The following TTLL3 variants were observed in gnomAD, a reference collection of about 807,000 sequenced individuals.
The protein encoded by TTLL3 is tubulin tyrosine ligase like 3, also known as tubulin monoglycylase TTLL3.
Under a neutral mutation model 75.2 loss-of-function variants are expected in TTLL3, and 63 were observed. The ratio of observed to expected loss-of-function variants is 0.84; its 90% confidence interval spans 0.68 to 1.03. The LOEUF (loss-of-function observed/expected upper bound fraction) is 1.03, where lower values mean the gene tolerates loss of function less well. Ranked by LOEUF, TTLL3 falls within the 50% of genes least tolerant of loss-of-function variation. The probability of loss-of-function intolerance (pLI) is 0.00; values close to 1 mark genes in which losing one functional copy is unlikely to be tolerated. For synonymous variants in TTLL3, 393 were observed against 418.5 expected (o/e 0.94, Z 0.74); for missense variants, 997 against 1,069.9 (o/e 0.93, Z 0.95).
In TTLL3 at chr3:9,835,573, C is replaced by G. The variant is rs1476548641; in HGVS notation, c.*84C>G. 19 of 1,341,678 alleles carry G rather than the reference C, an allele frequency of 1.4e-5. No homozygotes were observed. The highest frequency in any genetic ancestry group is 1.8e-5 in the Non-Finnish European group (18 of 990,504). The allele number at this position is 1,341,678 out of a possible 1,614,324, so 83.1% of individuals were successfully genotyped here. A position where few individuals can be genotyped will look rare whatever the true frequency, so the allele number is the denominator to read the frequency against. ...GGGGCTTCCTATTTAGGGACTCCCC[C>G]AGCATCTCCGATCCAGGGGTGGGGA... On this transcript the variant is annotated 3_prime_UTR_variant, in exon 14 of 14. Coordinates refer to ENST00000685419, the MANE Select transcript of TTLL3 (RefSeq NM_001387446.1).
At chr3:9,824,105 GT>G (rs1210626830) in intron 8 of TTLL3, among the ~76,000 whole-genome samples, 5 of 152,228 alleles carry the variant, frequency 3.3e-5, no homozygotes, top group Non-Finnish European at 7.3e-5. Flanking sequence ...TACAGAAAAT[GT>G]TCCTGCTCTT....
chr3:9,828,718 A>G lies in TTLL3; in HGVS notation c.1248-242A>G, dbSNP rs2081275168. On this transcript the variant is annotated intron_variant, in intron 10 of 13. Coordinates refer to ENST00000685419, the MANE Select transcript of TTLL3 (RefSeq NM_001387446.1). ...AACTGAGACTATGCACAAAGCACTT[A>G]CTACTGCGGCCCCCGTAACTAGCGC... The G allele has an allele frequency of 7.0e-6, 4 of 570,248 alleles. No homozygotes were observed. The South Asian group carries it at 8.6e-5, about 12-fold the overall frequency. The allele number at this position is 570,248 out of a possible 1,614,324, so 35.3% of individuals were successfully genotyped here. A position where few individuals can be genotyped will look rare whatever the true frequency, so the allele number is the denominator to read the frequency against.
At chr3:9,817,366 G>C (rs1438938522) in intron 5 of TTLL3, 1 of 919,018 alleles carries the variant, frequency 1.1e-6, no homozygotes, top group Admixed American at 6.2e-5. Context: ...AGAGCTTACA[G>C]TGAGCCGAGA....
intron 10 of TTLL3, chr3:9,828,210 G>A (rs1190492287): frequency 3.3e-5 from 5 of 152,048 alleles, no homozygotes; most frequent in Non-Finnish European, 7.4e-5. Flanking sequence ...GTAGAGCAGG[G>A]GAAAGGAGGT....
At chr3:9,834,660 C>A in intron 12 of TTLL3, 21 bp from the exon 13 acceptor site, 1 of 1,613,772 alleles carries the variant, frequency 6.2e-7, no homozygotes, top group South Asian at 1.1e-5. Flanking sequence ...CAGGGCCTCA[C>A]AGCTTCTCTT....
At chr3:9,819,644 G>C in intron 7 of TTLL3, 1 of 985,590 alleles carries the variant, frequency 1.0e-6, no homozygotes, top group South Asian at 4.7e-5. Flanking sequence ...CCCAACCACT[G>C]CCTGCCCTTT....
chr3:9,826,610 A>G (rs1026941024), intron 9 of TTLL3, among the ~76,000 whole-genome samples: 7 of 151,520 alleles, frequency 4.6e-5, no homozygotes, highest in Admixed American at 4.6e-4. Flanking sequence ...GCAGGCACCC[A>G]TAATCCCAGC....
rs1269434134 is a variant in TTLL3, at chr3:9,835,297, C to A, written c.2256C>A (p.Phe752Leu). The A allele has an allele frequency of 6.2e-7, 1 of 1,614,180 alleles. No homozygotes were observed. Among genetic ancestry groups the A allele is most frequent in the Non-Finnish European group, 8.5e-7 (1 of 1,180,022 alleles). Reference protein sequence around the residue: ...PLKPLPLVGTFQRRRGLGDMK... With the variant: ...PLKPLPLVGTLQRRRGLGDMK... Reference sequence around the variant, plus strand: ...AACCCCTGCCCCTTGTTGGTACATTCCAGAGGCGCAGGGGCCTGGGGGATA... The same window carrying A: ...AACCCCTGCCCCTTGTTGGTACATTACAGAGGCGCAGGGGCCTGGGGGATA... The change falls in exon 14 of 14, where the codon TTC (phenylalanine) becomes TTA (leucine). Residue 752 changes from phenylalanine (F) to leucine (L), a missense_variant. Phe to Leu is a conservative substitution (Grantham distance 22). Transcript: ENST00000685419.
intron 12 of TTLL3, among the ~76,000 whole-genome samples, chr3:9,833,783 G>A (rs1216246034): frequency 6.6e-6 from 1 of 152,154 alleles, no homozygotes; most frequent in Non-Finnish European, 1.5e-5. Context: ...TAAGGCTGCA[G>A]TGAGTTATGA....
At chr3:9,830,416 C>G (rs1015268294) in intron 11 of TTLL3, among the ~76,000 whole-genome samples, 67 of 152,080 alleles carry the variant, frequency 4.4e-4, no homozygotes, top group African/African-American at 1.5e-3. Flanking sequence ...TTTCTGAGTT[C>G]TGGATAGAAT....
At position 9,825,928 on chromosome 3, in the gene TTLL3, G is replaced by T; in HGVS notation, c.983G>T (p.Gly328Val). The T allele has an allele frequency of 6.2e-7, 1 of 1,613,860 alleles. No individual in the cohort carries two copies. Among genetic ancestry groups the T allele is most frequent in the South Asian group, 1.1e-5 (1 of 91,078 alleles). The change falls in exon 9 of 14, where the codon GGA becomes GTA. Residue 328 changes from glycine (G) to valine (V), a missense_variant. Coordinates refer to ENST00000685419, the MANE Select transcript of TTLL3 (RefSeq NM_001387446.1). ...CGCAACATCTGGATCGTGAAGCCAGGAGCCAAGTCCCGCGGACGAGGTGGG... is the reference window on the plus strand; with the variant it reads ...CGCAACATCTGGATCGTGAAGCCAGTAGCCAAGTCCCGCGGACGAGGTGGG... ...GDRNIWIVKP[G>V]AKSRGRGIMC... is the part of the protein sequence containing the mutation.
chr3:9,817,406 A>C, intron 5 of TTLL3: 1 of 977,966 alleles, frequency 1.0e-6, no homozygotes, highest in Non-Finnish European at 1.2e-6. Flanking sequence ...CCTGGGTGAC[A>C]GAGTGAGACT....
rs776602976 is a variant in TTLL3 at position 9,829,219 on chromosome 3, G to A, written c.1507G>A (p.Gly503Arg). ...GCTCTATGGCGCTGACTTCGTGTTC[G>A]GGGAGGACTTCCAGCCCTGGCTGAT... ...FELYGADFVF[G>R]EDFQPWLIEI... The change falls in exon 11 of 14, where the codon GGG (glycine) becomes AGG (arginine). Residue 503 changes from glycine (G) to arginine (R), a missense_variant. Transcript: ENST00000685419. 8.7e-6 allele frequency: 14 copies of A among 1,614,056 alleles called. No homozygotes were observed. The highest frequency in any genetic ancestry group is 2.2e-5 in the East Asian group (1 of 44,896).
rs60013146 is a variant in TTLL3 at position 9,823,402 on chromosome 3, G to GTT, written c.855-2378_855-2377dup. Among the ~76,000 whole-genome samples the GTT allele has an allele frequency of 5.4e-3, 679 of 124,952 alleles. 7 individuals carry two copies. Among genetic ancestry groups the GTT allele is most frequent in the Middle Eastern group, 8.1e-3 (2 of 248 alleles). 82.0% of individuals were successfully genotyped at this position (124,952 alleles called of 152,430 possible). A position where few individuals can be genotyped will look rare whatever the true frequency, so the allele number is the denominator to read the frequency against. On this transcript the variant is annotated intron_variant, in intron 8 of 13. Transcript: ENST00000685419. ...GTCTCAAAGAAAAAACAAACAGCCAGTTTTTTTTTTTTTTTTTTTTTAAAT... is the reference window on the plus strand; with the variant it reads ...GTCTCAAAGAAAAAACAAACAGCCAGTTTTTTTTTTTTTTTTTTTTTTTAAAT...
intron 8 of TTLL3, among the ~76,000 whole-genome samples, chr3:9,823,214 T>A (rs1042043162): frequency 1.3e-5 from 2 of 151,970 alleles, no homozygotes; most frequent in Non-Finnish European, 2.9e-5. Flanking sequence ...AAACCCCATC[T>A]CTACTAAAAA....
Position 9,810,604 on chromosome 3 carries a change from T to A in TTLL3, c.-41-17T>A. 6.4e-7 allele frequency: 1 copy of A among 1,555,232 alleles called. No homozygotes were observed. The highest frequency in any genetic ancestry group is 8.7e-7 in the Non-Finnish European group (1 of 1,148,654). On this transcript the variant is annotated splice_polypyrimidine_tract_variant and intron_variant, in intron 1 of 13. Coordinates refer to ENST00000685419, the MANE Select transcript of TTLL3 (RefSeq NM_001387446.1). The surrounding 1 kb of genome is among the most constrained non-coding windows in gnomAD (Gnocchi z 4.4). ...CAGCCTCAGTGTACCCCGCCCCTAT[T>A]CCGCATCTTTCTGCAGGTTTCCCGG...
At chr3:9,821,447 A>G (rs2080401588) in intron 8 of TTLL3, among the ~76,000 whole-genome samples, 1 of 152,210 alleles carries the variant, frequency 6.6e-6, no homozygotes, top group African/African-American at 2.4e-5. Context: ...CTCAACTGGG[A>G]CACAGCTCAA....
chr3:9,817,147 G>A (rs1361426515), intron 5 of TTLL3, among the ~76,000 whole-genome samples: 7 of 152,088 alleles, frequency 4.6e-5, no homozygotes, highest in Non-Finnish European at 7.4e-5. Flanking sequence ...AGGGTGGGCC[G>A]GGCACAGTGG....
chr3:9,820,900 G>T lies in TTLL3; in HGVS notation c.854+159G>T, dbSNP rs1488487127. ...AGGACTCCCACTGCCTCCGTGATAG[G>T]GTCTGGGCCACTTTTCTTGGTTCTT... On this transcript the variant is annotated intron_variant, in intron 8 of 13. Coordinates refer to ENST00000685419, the MANE Select transcript of TTLL3 (RefSeq NM_001387446.1). The T allele has an allele frequency of 6.3e-6, 8 of 1,269,710 alleles. No homozygotes were observed. In the East Asian group the frequency reaches 2.0e-4, roughly 32 times the overall value. 78.7% of individuals were successfully genotyped at this position (1,269,710 alleles called of 1,614,324 possible).
Sources: allele counts gnomAD v4.1 joint callset (sites outside exome capture counted in the v4.1 genomes callset), GRCh38; gene constraint gnomAD v4.1.1; non-coding constraint Gnocchi (gnomAD v3.1); transcripts MANE v1.5; gene names NCBI Gene and HGNC (gene_info 2026-07-23, HGNC 2026-07-21).